Variants in CEP57L1 observed in about 807,000 individuals in gnomAD.
CEP57L1 encodes centrosomal protein 57 like 1.
CEP57L1 carries 37 observed loss-of-function variants against 61.0 expected under a neutral mutation model. The observed-to-expected ratio is 0.61, with a 90% CI of 0.47 to 0.80. CEP57L1 has a LOEUF of 0.80. CEP57L1 is among the 30% of genes least tolerant of loss of function. The pLI is 0.00. For synonymous variants in CEP57L1, 137 were observed against 162.3 expected (o/e 0.84, Z 1.19); for missense variants, 422 against 524.7 (o/e 0.80, Z 1.91).
chr6:109,133,637 G>C (rs1774457517), intron 1 of CEP57L1, among the ~76,000 whole-genome samples: 1 of 152,008 alleles, frequency 6.6e-6, no homozygotes, highest in South Asian at 2.1e-4. Context: ...CTGGTGTTTT[G>C]AAAAGATCAA....
At chr6:109,102,062 CATT>C (rs1583347061) in intron 1 of CEP57L1, among the ~76,000 whole-genome samples, 5 of 152,156 alleles carry the variant, frequency 3.3e-5, no homozygotes, top group African/African-American at 4.8e-5. Context: ...AATGGTATCT[CATT>C]ATTGTTTTAA....
Position 109,166,162 on chromosome 6 carries a change from C to A in CEP57L1, c.*3192C>A, listed in dbSNP as rs1182566062. Among the ~76,000 whole-genome samples the A allele has an allele frequency of 6.6e-6, 1 of 152,026 alleles. No homozygotes were observed. The highest frequency in any genetic ancestry group is 1.5e-5 in the Non-Finnish European group (1 of 67,996). ...AGGTTGTAGATAAAGACAGGAGGGT[C>A]AGAGGGAAATGTTCAGTTTTCAACA... On this transcript the variant is annotated 3_prime_UTR_variant, in exon 11 of 11. Coordinates refer to ENST00000517392, the MANE Select transcript of CEP57L1 (RefSeq NM_001271852.3).
At chr6:109,110,022 T>C (rs1389941533) in intron 1 of CEP57L1, among the ~76,000 whole-genome samples, 1 of 152,154 alleles carries the variant, frequency 6.6e-6, no homozygotes, top group African/African-American at 2.4e-5. Flanking sequence ...GTCTTTATAG[T>C]AGAATGATTT....
At chr6:109,124,419 A>G (rs1052223932) in intron 1 of CEP57L1, among the ~76,000 whole-genome samples, 1 of 152,178 alleles carries the variant, frequency 6.6e-6, no homozygotes, top group African/African-American at 2.4e-5. Flanking sequence ...TTTTGCATAG[A>G]TAAGCAATAT....
chr6:109,162,129 A>C (rs1273364365), intron 10 of CEP57L1, among the ~76,000 whole-genome samples: 1 of 152,114 alleles, frequency 6.6e-6, no homozygotes, highest in Non-Finnish European at 1.5e-5. Context: ...TCAGGAATAC[A>C]CAAAAGTGTT....
chr6:109,157,064 A>G (rs1773290009), intron 7 of CEP57L1: 1 of 152,154 alleles, frequency 6.6e-6, no homozygotes, highest in Non-Finnish European at 1.5e-5. Flanking sequence ...CAGTTTACCT[A>G]TTTATTATAA....
intron 1 of CEP57L1, among the ~76,000 whole-genome samples, chr6:109,109,065 A>G (rs936706170): frequency 2.0e-5 from 3 of 152,174 alleles, no homozygotes; most frequent in Admixed American, 2.0e-4. Context: ...GTTGTGGACA[A>G]TTTGCTCTTC....
At chr6:109,140,267 C>T (rs918440241) in intron 1 of CEP57L1, among the ~76,000 whole-genome samples, 2 of 151,750 alleles carry the variant, frequency 1.3e-5, no homozygotes, top group Non-Finnish European at 2.9e-5. Context: ...TCTATTATGA[C>T]GTTAGTAGTT....
rs1773646300 is a variant in CEP57L1, at chr6:109,160,716, T to C, written c.1161T>C (p.Ser387=). 6.3e-7 allele frequency: 1 copy of C among 1,579,830 alleles called. No individual in the cohort carries two copies. Among genetic ancestry groups the C allele is most frequent in the Non-Finnish European group, 8.5e-7 (1 of 1,170,404 alleles). The part of the protein sequence containing the change: ...QISKLKKHQD[S]VCKLQQKVQN... ...CCAAACTGAAGAAGCATCAAGACAG[T>C]GTAAGAAGGCTTTAGTAAGAGATTT... The change falls in exon 10 of 11, where the codon AGT becomes AGC. Residue 387 remains serine, a splice_region_variant and synonymous_variant. Coordinates refer to ENST00000517392, the MANE Select transcript of CEP57L1 (RefSeq NM_001271852.3).
intron 1 of CEP57L1, among the ~76,000 whole-genome samples, chr6:109,139,537 CAT>C (rs1179617894): frequency 2.6e-5 from 4 of 151,178 alleles, no homozygotes; most frequent in Non-Finnish European, 5.9e-5. Context: ...AGTGCAGTGA[CAT>C]GATCTCGGCT....
chr6:109,153,481 A>G (rs1439485644), intron 4 of CEP57L1, among the ~76,000 whole-genome samples: 1 of 151,812 alleles, frequency 6.6e-6, no homozygotes, highest in Non-Finnish European at 1.5e-5. Flanking sequence ...CCAGGGTTCA[A>G]GCAGTCCTCC....
At chr6:109,096,511 C>G (rs1583317065) in intron 1 of CEP57L1, among the ~76,000 whole-genome samples, 1 of 152,126 alleles carries the variant, frequency 6.6e-6, no homozygotes, top group South Asian at 2.1e-4. Flanking sequence ...CAGGAAACGT[C>G]AGTAAGCCAA....
intron 1 of CEP57L1, among the ~76,000 whole-genome samples, chr6:109,114,906 C>G (rs2114656537): frequency 6.6e-6 from 1 of 152,212 alleles, no homozygotes; most frequent in East Asian, 1.9e-4. Flanking sequence ...GCTAATTACT[C>G]TGATATGATC....
Position 109,165,726 on chromosome 6 carries a change from A to T in CEP57L1, c.*2756A>T, listed in dbSNP as rs1378371230. The T allele has an allele frequency of 1.3e-5, 2 of 152,218 alleles. No homozygotes were observed. The highest frequency in any genetic ancestry group is 3.8e-4 in the East Asian group (2 of 5,198). 9.4% of individuals were successfully genotyped at this position (152,218 alleles called of 1,614,324 possible). A position where few individuals can be genotyped will look rare whatever the true frequency, so the allele number is the denominator to read the frequency against. The stretch of plus-strand genomic sequence containing the variant: ...ATGAAGAATGGTGTCTTGTTGCTTC[A>T]TCACAGCTACTGAACTCACAGACTG... On this transcript the variant is annotated 3_prime_UTR_variant, in exon 11 of 11. Coordinates refer to ENST00000517392, the MANE Select transcript of CEP57L1 (RefSeq NM_001271852.3).
chr6:109,132,336 A>G (rs1774285984), intron 1 of CEP57L1, among the ~76,000 whole-genome samples: 1 of 152,166 alleles, frequency 6.6e-6, no homozygotes, highest in South Asian at 2.1e-4. Context: ...ATCTCTGAAA[A>G]ACACAAACAG....
intron 7 of CEP57L1, chr6:109,158,567 T>C (rs1245703045): frequency 4.4e-6 from 2 of 451,336 alleles, no homozygotes; most frequent in South Asian, 1.6e-5. Flanking sequence ...TGTGTACAGG[T>C]TTTTATGTGA....
chr6:109,145,406 A>G (rs1427426316), intron 2 of CEP57L1, 25 bp downstream of exon 2: 1 of 1,477,850 alleles, frequency 6.8e-7, no homozygotes, highest in African/African-American at 1.4e-5. Context: ...AAATTTGAAG[A>G]ATGGTAAAAA....
chr6:109,133,475 C>CAGGCCA (rs1351319145), intron 1 of CEP57L1, among the ~76,000 whole-genome samples: 1 of 152,170 alleles, frequency 6.6e-6, no homozygotes, highest in African/African-American at 2.4e-5. Flanking sequence ...TGGTTCCTAA[C>CAGGCCA]AGGCCAAGAA....
chr6:109,107,831 C>T (rs1771111397), intron 1 of CEP57L1, among the ~76,000 whole-genome samples: 1 of 151,960 alleles, frequency 6.6e-6, no homozygotes, highest in South Asian at 2.1e-4. Flanking sequence ...ATCCCAGCTA[C>T]TTGGGAGGCT....
Sources: gnomAD v4.1 joint callset for allele counts (sites outside exome capture counted in the v4.1 genomes callset) on GRCh38, gnomAD v4.1.1 for gene constraint, MANE v1.5 for transcripts, NCBI Gene and HGNC (gene_info 2026-07-23, HGNC 2026-07-21) for gene names.